COL6A3: variants seen among roughly 807,000 people sequenced by gnomAD.
COL6A3 encodes the protein collagen type VI alpha 3 chain, also known as collagen alpha-3(VI) chain.
In COL6A3, 137 loss-of-function variants were observed where a neutral mutation model predicts 274.1. That is an observed-to-expected ratio of 0.50 (90% CI 0.44 to 0.58). COL6A3 has a LOEUF of 0.58. Among genes scored for constraint, COL6A3 ranks in the 20% least tolerant of loss-of-function variants. COL6A3 has a pLI of 0.00. For synonymous variants in COL6A3, 1,650 were observed against 1,650.6 expected, an observed-to-expected ratio of 1.00 and a Z score of 0.01; for missense variants, 3,950 against 4,124.9, an observed-to-expected ratio of 0.96 and a Z score of 1.16.
chr2:237,359,622 G>T (rs774494323), intron 17 of COL6A3, among the ~76,000 whole-genome samples: 49 of 152,348 alleles, frequency 3.2e-4, no homozygotes, highest in Middle Eastern at 3.4e-3. Context: ...GCCGGCGGGG[G>T]TGGACCCCAA....
intron 30 of COL6A3, 89 bp from the exon 31 acceptor site, chr2:237,347,958 T>C: frequency 3.3e-6 from 4 of 1,219,436 alleles, no homozygotes; most frequent in East Asian, 2.5e-5. Flanking sequence ...AGGAGACGTG[T>C]GGGTCACACT....
chr2:237,370,027 T>A lies in COL6A3; in HGVS notation c.4286-850A>T, dbSNP rs111609665. Among the ~76,000 whole-genome samples the A allele has an allele frequency of 6.0e-3, 883 of 146,678 alleles. 15 individuals are homozygous for A. The highest frequency in any genetic ancestry group is 0.021 in the African/African-American group (823 of 38,790). On this transcript the variant is annotated intron_variant, in intron 9 of 43. Coordinates refer to ENST00000295550, the MANE Select transcript of COL6A3 (RefSeq NM_004369.4). ...CTTTATTTTTTAAATTTCATTAAAATTTTTTTTTTTAATTTTTTGGATGAG... is the reference window on the plus strand; with the variant it reads ...CTTTATTTTTTAAATTTCATTAAAAATTTTTTTTTTAATTTTTTGGATGAG...
intron 42 of COL6A3, 193 bp from the exon 43 acceptor site, chr2:237,325,917 C>A: frequency 1.9e-6 from 1 of 537,340 alleles, no homozygotes; most frequent in Non-Finnish European, 3.3e-6. Context: ...TTGCTTACAG[C>A]CTTGTGAGAG....
chr2:237,361,876 C>A lies in COL6A3; in HGVS notation c.6064-45G>T, dbSNP rs118000431. On this transcript the variant is annotated intron_variant, in intron 14 of 43. Transcript: ENST00000295550. The surrounding 1 kb of genome is among the most constrained non-coding windows in gnomAD (Gnocchi z 5.1). ...CCAAATGTTCAGATCTCAAGAAATG[C>A]CCAGCAGAAAATCATAAATGCGCTT... The A allele has an allele frequency of 7.2e-4, 1,117 of 1,546,300 alleles. 7 individuals carry two copies. The East Asian group carries it at 0.019, about 26-fold the overall frequency.
Position 237,361,109 on chromosome 2 carries a change from A to G in COL6A3, c.6210+12T>C. ...GGGTGAAATTTTAGGGACTAAAACA[A>G]TTTTTACTTACGGGTCCACCCTCAT... On this transcript the variant is annotated intron_variant, in intron 16 of 43. Coordinates refer to ENST00000295550, the MANE Select transcript of COL6A3 (RefSeq NM_004369.4). The surrounding 1 kb of genome is among the most constrained non-coding windows in gnomAD (Gnocchi z 5.1). 2.5e-6 allele frequency: 4 copies of G among 1,613,382 alleles called. No homozygotes were observed. Among genetic ancestry groups the G allele is most frequent in the Non-Finnish European group, 3.4e-6 (4 of 1,179,368 alleles).
chr2:237,344,486 A>T lies in COL6A3; in HGVS notation c.7532T>A (p.Val2511Glu), dbSNP rs771311427. Residue 2511 changes from valine to glutamate, a missense_variant, in exon 36 of 44, where the codon GTG becomes GAG. This residue lies in a region of COL6A3 where 1,284 missense variants were observed against 1,349.7 expected (regional missense o/e 0.95). Transcript: ENST00000295550. This position sits in a 1 kb window ranked among gnomAD's most constrained non-coding sequence, Gnocchi z 4.8. ...RVRNGFLMRK[V>E]AVFFSNTPTR... ...GGGTGTGTTGCTGAAGAAAACAGCC[A>T]CTTTCCTCATTAGGAATCCGTTCCT... The T allele has an allele frequency of 3.7e-6, 6 of 1,614,156 alleles. No individual in the cohort carries two copies. The highest frequency in any genetic ancestry group is 1.1e-5 in the South Asian group (1 of 91,088).
rs1267382523 is a variant in COL6A3, at chr2:237,365,741, A to G, written c.5795T>C (p.Val1932Ala). The G allele has an allele frequency of 5.0e-6, 8 of 1,614,160 alleles. No individual in the cohort carries two copies. The East Asian group carries it at 1.8e-4, about 36-fold the overall frequency. Reference sequence around the variant, plus strand: ...GGACTGTCTGAACTTGTTCAGGTAGACCTTCAGGGTGTCCTCCGTGAGGAC... The same window carrying G: ...GGACTGTCTGAACTTGTTCAGGTAGGCCTTCAGGGTGTCCTCCGTGAGGAC... ...PYVLTEDTLKVYLNKFRQSSP... is the reference protein window; with the variant it reads ...PYVLTEDTLKAYLNKFRQSSP... Residue 1932 changes from valine to alanine, a missense_variant, in exon 12 of 44, where the codon GTC becomes GCC. Around this residue, in one of 5 missense-constraint regions of COL6A3, gnomAD observed 632 missense variants for 623.4 expected, o/e 1.01. Transcript: ENST00000295550.
At chr2:237,377,840 T>C (rs1052181473) in intron 6 of COL6A3, among the ~76,000 whole-genome samples, 4 of 152,220 alleles carry the variant, frequency 2.6e-5, no homozygotes, top group Non-Finnish European at 5.9e-5. Context: ...ATCATTAAAT[T>C]TGAGGTTACG....
At chr2:237,324,837 G>A in intron 43 of COL6A3, 23 bp from the exon 44 acceptor site, 1 of 1,611,910 alleles carries the variant, frequency 6.2e-7, no homozygotes, top group Non-Finnish European at 8.5e-7. Flanking sequence ...AGAGGGGGTG[G>A]GTGGGGTGAG....
intron 38 of COL6A3, 88 bp from the exon 39 acceptor site, chr2:237,339,205 C>T (rs1017314853): frequency 1.1e-6 from 1 of 925,934 alleles, no homozygotes; most frequent in Non-Finnish European, 1.7e-6. Context: ...AAATGAATCA[C>T]ATAACATTTA....
At chr2:237,338,184 A>G (rs1444075294) in intron 39 of COL6A3, among the ~76,000 whole-genome samples, 1 of 152,220 alleles carries the variant, frequency 6.6e-6, no homozygotes, top group Admixed American at 6.5e-5. Context: ...ACGTGGCAGA[A>G]GTAACAGTGT....
chr2:237,378,307 G>A (rs1018935935), intron 6 of COL6A3, among the ~76,000 whole-genome samples: 2 of 152,128 alleles, frequency 1.3e-5, no homozygotes, highest in Non-Finnish European at 2.9e-5. Context: ...ATCTCTCTCT[G>A]TCTCCCTCCA....
In COL6A3 at chr2:237,366,800, G is replaced by A. The variant is rs772890888; in HGVS notation, c.5387C>T (p.Ala1796Val). ...VGKIASNSAT[A>V]FRVGNVQELS... ...CTCCTGGACGTTGCCCACGCGGAAC[G>A]CTGTGGCGCTGTTGGACGCTATCTT... The change falls in exon 11 of 44, where the codon GCG becomes GTG. Residue 1796 changes from alanine (A) to valine (V), a missense_variant. Physicochemically the swap from Ala to Val is moderately conservative, Grantham distance 64. Around this residue, in one of 5 missense-constraint regions of COL6A3, gnomAD observed 632 missense variants for 623.4 expected, o/e 1.01. Transcript: ENST00000295550. 3.3e-5 allele frequency: 53 copies of A among 1,614,126 alleles called. No homozygotes were observed. Among genetic ancestry groups the A allele is most frequent in the Middle Eastern group, 1.6e-4 (1 of 6,084 alleles).
chr2:237,377,543 G>C (rs1165220582), intron 6 of COL6A3, among the ~76,000 whole-genome samples, 199 bp from the exon 7 acceptor site: 3 of 152,140 alleles, frequency 2.0e-5, no homozygotes, highest in Non-Finnish European at 2.9e-5. Context: ...TATTTGCAAA[G>C]CTAGTAACTA....
At chr2:237,397,127 A>C (rs566583131) in intron 1 of COL6A3, among the ~76,000 whole-genome samples, 2 of 149,390 alleles carry the variant, frequency 1.3e-5, no homozygotes, top group East Asian at 4.0e-4. Context: ...GGAGGGAGGG[A>C]AGGAAGGAAG....
At chr2:237,375,344 T>C (rs560268463) in intron 7 of COL6A3, among the ~76,000 whole-genome samples, 2 of 152,066 alleles carry the variant, frequency 1.3e-5, no homozygotes, top group Non-Finnish European at 2.9e-5. Context: ...GGATGGAGGA[T>C]GGGGCCAGGA....
intron 20 of COL6A3, 75 bp downstream of exon 20, chr2:237,358,960 G>A (rs2077376322): frequency 6.4e-7 from 1 of 1,550,514 alleles, no homozygotes; most frequent in African/African-American, 1.4e-5. Context: ...TGTATATGAG[G>A]AAAGAAAATA....
In COL6A3 at chr2:237,376,776, T is replaced by C; in HGVS notation, c.3066A>G (p.Ala1022=). The change falls in exon 7 of 44, where the codon GCA becomes GCG. Residue 1022 remains alanine (A), a synonymous_variant. Coordinates refer to ENST00000295550, the MANE Select transcript of COL6A3 (RefSeq NM_004369.4). ...LLKSVHNGAP[A]PVSGEKDVVF... is the part of the protein sequence containing the mutation. ...ACTAGCATTTCTCTACCATACCTGG[T>C]GCTGGTGCTCCGTTGTGCACTGATT... is the stretch of plus-strand genomic sequence containing the variant. The C allele has an allele frequency of 6.2e-7, 1 of 1,614,160 alleles. No individual in the cohort carries two copies. The highest frequency in any genetic ancestry group is 8.5e-7 in the Non-Finnish European group (1 of 1,179,996).
intron 42 of COL6A3, chr2:237,326,490 C>A (rs1041877686): frequency 1.3e-5 from 2 of 152,200 alleles, no homozygotes; most frequent in East Asian, 3.8e-4. Flanking sequence ...AAGGTCCCCT[C>A]GACGCCTGGA....
Sources: gnomAD v4.1 joint callset for allele counts (sites outside exome capture counted in the v4.1 genomes callset) on GRCh38, gnomAD v4.1.1 for gene constraint, gnomAD v4.1.1 regional missense constraint, Gnocchi (gnomAD v3.1) non-coding constraint, MANE v1.5 for transcripts, NCBI Gene and HGNC (gene_info 2026-07-23, HGNC 2026-07-21) for gene names.